NPAS3: variants seen among roughly 807,000 people sequenced by gnomAD.
The protein encoded by NPAS3 is neuronal PAS domain-containing protein 3.
Under a neutral mutation model 73.1 loss-of-function variants are expected in NPAS3, and 14 were observed. The ratio of observed to expected loss-of-function variants is 0.19; its 90% CI spans 0.13 to 0.30. NPAS3 has a LOEUF of 0.30. Among genes scored for constraint, NPAS3 ranks in the 10% least tolerant of loss-of-function variants. The probability of loss-of-function intolerance (pLI) is 1.00; values close to 1 mark genes in which losing one functional copy is unlikely to be tolerated. For missense variants in NPAS3, 1,096 were observed against 1,250.0 expected, an observed-to-expected ratio of 0.88 and a Z score of 1.86; for synonymous variants, 620 against 541.5, an observed-to-expected ratio of 1.14 and a Z score of -2.01.
chr14:33,401,493 A>G (rs1329408232), intron 4 of NPAS3, among the ~76,000 whole-genome samples: 1 of 152,106 alleles, frequency 6.6e-6, no homozygotes, highest in Non-Finnish European at 1.5e-5. Flanking sequence ...TAGTAATGTC[A>G]TGCTCCTCCC....
At chr14:33,678,408 C>G (rs545945533) in intron 6 of NPAS3, among the ~76,000 whole-genome samples, 46 of 152,304 alleles carry the variant, frequency 3.0e-4, no homozygotes, top group Non-Finnish European at 6.5e-4. Context: ...TCAGATCCTC[C>G]TTTCCTCCTG....
intron 1 of NPAS3, among the ~76,000 whole-genome samples, chr14:32,943,706 TTTTTA>T: frequency 6.6e-6 from 1 of 151,216 alleles, no homozygotes; most frequent in South Asian, 2.1e-4. Context: ...TTTTTTTTTT[TTTTTA>T]GACAGAGTCT....
At chr14:33,284,961 C>G (rs959931294) in intron 3 of NPAS3, among the ~76,000 whole-genome samples, 2 of 152,164 alleles carry the variant, frequency 1.3e-5, no homozygotes, top group Admixed American at 6.6e-5. Flanking sequence ...ACGCTGTAAC[C>G]ACTATGCTAG....
chr14:33,183,236 G>C (rs914824435), intron 2 of NPAS3, among the ~76,000 whole-genome samples: 103 of 152,034 alleles, frequency 6.8e-4, no homozygotes, highest in African/African-American at 2.3e-3. Flanking sequence ...GAACAGCCTG[G>C]CCAACATGGT....
chr14:32,980,096 A>G (rs1417293238), intron 1 of NPAS3, among the ~76,000 whole-genome samples: 2 of 152,202 alleles, frequency 1.3e-5, no homozygotes, highest in Non-Finnish European at 2.9e-5. Flanking sequence ...GGGAGCTAAA[A>G]CTAACTAGTA....
intron 7 of NPAS3, among the ~76,000 whole-genome samples, chr14:33,768,261 AG>A (rs1390383852): frequency 6.6e-6 from 1 of 152,230 alleles, no homozygotes; most frequent in African/African-American, 2.4e-5. Flanking sequence ...GTGATAAAAC[AG>A]GAACAATGAA....
At chr14:33,643,887 ATTT>A (rs969540865) in intron 5 of NPAS3, among the ~76,000 whole-genome samples, 2 of 150,100 alleles carry the variant, frequency 1.3e-5, no homozygotes, top group African/African-American at 2.4e-5. Flanking sequence ...TGGGGAGAAG[ATTT>A]TTTTTTTAAC....
chr14:33,519,188 C>T (rs1001755179), intron 4 of NPAS3, among the ~76,000 whole-genome samples: 4 of 152,120 alleles, frequency 2.6e-5, no homozygotes, highest in East Asian at 1.9e-4. Context: ...TCAACTGTTT[C>T]GCTGGCATCC....
At chr14:33,455,425 C>A (rs1187081497) in intron 4 of NPAS3, among the ~76,000 whole-genome samples, 2 of 152,192 alleles carry the variant, frequency 1.3e-5, no homozygotes, top group Non-Finnish European at 2.9e-5. Context: ...GCAGAGCACT[C>A]ACATGTGAGA....
At chr14:33,160,659 A>T (rs993986953) in intron 2 of NPAS3, among the ~76,000 whole-genome samples, 3 of 151,544 alleles carry the variant, frequency 2.0e-5, no homozygotes, top group Non-Finnish European at 4.4e-5. Flanking sequence ...AAAAAAGAAA[A>T]GTCTGTGGTT....
intron 3 of NPAS3, among the ~76,000 whole-genome samples, chr14:33,223,490 G>A (rs2047509465): frequency 6.6e-6 from 1 of 152,168 alleles, no homozygotes; most frequent in African/African-American, 2.4e-5. Context: ...TGGTATGACA[G>A]CTTTCAAGAA....
chr14:33,248,410 T>C (rs1289577576), intron 3 of NPAS3, among the ~76,000 whole-genome samples: 5 of 152,234 alleles, frequency 3.3e-5, no homozygotes, highest in African/African-American at 1.2e-4. Context: ...ATGAAATGTA[T>C]ATTTTTATTC....
At chr14:33,117,269 C>T (rs181454594) in intron 2 of NPAS3, among the ~76,000 whole-genome samples, 99 of 151,870 alleles carry the variant, frequency 6.5e-4, no homozygotes, top group East Asian at 3.1e-3. Flanking sequence ...GGGAGATTCA[C>T]GGCTAGAGGG....
chr14:33,513,802 C>G (rs2053172720), intron 4 of NPAS3, among the ~76,000 whole-genome samples: 1 of 151,962 alleles, frequency 6.6e-6, no homozygotes, highest in Non-Finnish European at 1.5e-5. Flanking sequence ...AAAGCTCACG[C>G]TCTGGATTTG....
chr14:33,468,328 A>G (rs930049145), intron 4 of NPAS3, among the ~76,000 whole-genome samples: 1 of 152,224 alleles, frequency 6.6e-6, no homozygotes, highest in African/African-American at 2.4e-5. Context: ...TAACTGCATA[A>G]CGATCTGTAG....
chr14:33,505,714 C>T (rs965171553), intron 4 of NPAS3, among the ~76,000 whole-genome samples: 6 of 151,980 alleles, frequency 3.9e-5, no homozygotes, highest in Middle Eastern at 3.2e-3. Flanking sequence ...GAAATTATTT[C>T]GTATCACCAT....
At chr14:32,972,648 A>T (rs1287059464) in intron 1 of NPAS3, among the ~76,000 whole-genome samples, 2 of 152,170 alleles carry the variant, frequency 1.3e-5, no homozygotes, top group Non-Finnish European at 2.9e-5. Context: ...CCCTCTTATT[A>T]AAATCTTTGC....
At chr14:33,716,090 A>G (rs563948766) in intron 6 of NPAS3, among the ~76,000 whole-genome samples, 2 of 152,210 alleles carry the variant, frequency 1.3e-5, no homozygotes, top group Admixed American at 6.5e-5. Flanking sequence ...AACACTGACC[A>G]TGAACTCCTT....
intron 11 of NPAS3, among the ~76,000 whole-genome samples, chr14:33,798,873 G>C (rs545157078): frequency 6.6e-6 from 1 of 151,216 alleles, no homozygotes; most frequent in African/African-American, 2.4e-5. Flanking sequence ...TGGCAGGGTG[G>C]CTCATGCCTG....
Sources: allele counts gnomAD v4.1 joint callset (sites outside exome capture counted in the v4.1 genomes callset), GRCh38; gene constraint gnomAD v4.1.1; transcripts MANE v1.5; gene names NCBI Gene and HGNC (gene_info 2026-07-23, HGNC 2026-07-21).